The following JAZF1 variants were observed in gnomAD, a reference collection of about 807,000 sequenced individuals.
JAZF1 encodes JAZF zinc finger 1, also known as juxtaposed with another zinc finger protein 1.
A neutral mutation model predicts 26.4 loss-of-function variants in JAZF1; 8 were observed. The observed-to-expected ratio is 0.30, with a 90% CI of 0.18 to 0.55. The LOEUF is 0.55. Among genes scored for constraint, JAZF1 ranks in the 20% least tolerant of loss-of-function variants. JAZF1 has a pLI of 0.94. For missense variants in JAZF1, 199 were observed against 322.0 expected (o/e 0.62, Z 2.92); for synonymous variants, 126 against 122.3 (o/e 1.03, Z -0.20).
intron 1 of JAZF1, among the ~76,000 whole-genome samples, chr7:28,003,367 A>G (rs1782636092): frequency 6.6e-6 from 1 of 152,174 alleles, no homozygotes; most frequent in Non-Finnish European, 1.5e-5. Context: ...AGGAGGAAAA[A>G]ATCATCATGT....
intron 1 of JAZF1, among the ~76,000 whole-genome samples, chr7:28,099,919 T>C (rs555093955): frequency 6.6e-6 from 1 of 152,318 alleles, no homozygotes; most frequent in East Asian, 1.9e-4. Flanking sequence ...GCCTCAACAC[T>C]GGAAACAGCC....
chr7:28,090,593 A>C (rs1784277711), intron 1 of JAZF1, among the ~76,000 whole-genome samples: 1 of 152,214 alleles, frequency 6.6e-6, no homozygotes, highest in Non-Finnish European at 1.5e-5. Context: ...TCCTTTGAGC[A>C]TCACAATATC....
At position 27,840,601 on chromosome 7, in the gene JAZF1, C is replaced by T; in HGVS notation, c.555+97G>A. The T allele has an allele frequency of 2.4e-6, 3 of 1,259,288 alleles. No homozygotes were observed. The Admixed American group carries it at 5.6e-5, about 23-fold the overall frequency. 78.0% of individuals were successfully genotyped at this position (1,259,288 alleles called of 1,614,324 possible). On this transcript the variant is annotated intron_variant, in intron 4 of 4. Coordinates refer to ENST00000283928, the MANE Select transcript of JAZF1 (RefSeq NM_175061.4). This position sits in a 1 kb window ranked among gnomAD's most constrained non-coding sequence, Gnocchi z 5.1. ...GGAGAGGGGAGTGTCTCCCCCCAGC[C>T]CATACGCTCGCTTTAAAATCAAGAA...
chr7:27,833,654 A>G (rs960203830), intron 4 of JAZF1, among the ~76,000 whole-genome samples: 7 of 152,250 alleles, frequency 4.6e-5, no homozygotes, highest in Non-Finnish European at 1.0e-4. Context: ...CAAACATACA[A>G]TGAACTTTAA....
At chr7:28,171,203 A>C (rs976971395) in intron 1 of JAZF1, among the ~76,000 whole-genome samples, 4 of 152,288 alleles carry the variant, frequency 2.6e-5, no homozygotes, top group African/African-American at 9.6e-5. Context: ...AAGGAAAATC[A>C]ATTTCCTTTT....
At chr7:27,902,771 C>G (rs952439650) in intron 2 of JAZF1, among the ~76,000 whole-genome samples, 3 of 152,166 alleles carry the variant, frequency 2.0e-5, no homozygotes, top group Admixed American at 2.0e-4. Context: ...AATCCCAGCA[C>G]TTTGGGAGGC....
In JAZF1 at chr7:28,091,125, C is replaced by CT. The variant is rs541480387; in HGVS notation, c.115+89337dup. ...ACAGGCGTGAGCCACCGCGCCCGGC[C>CT]TTTTTTTTAGTTTTTTAACTTAAAA... On this transcript the variant is annotated intron_variant, in intron 1 of 4. Coordinates refer to ENST00000283928, the MANE Select transcript of JAZF1 (RefSeq NM_175061.4). Among the ~76,000 whole-genome samples, 6 of 151,764 alleles carry CT rather than the reference C, an allele frequency of 4.0e-5. No homozygotes were observed. The East Asian group carries it at 5.8e-4, about 15-fold the overall frequency.
chr7:27,989,014 C>T (rs555596940), intron 2 of JAZF1, among the ~76,000 whole-genome samples: 70 of 150,026 alleles, frequency 4.7e-4, no homozygotes, highest in African/African-American at 1.6e-3. Flanking sequence ...AAGCTGGAGG[C>T]ATCATGCTTC....
intron 2 of JAZF1, among the ~76,000 whole-genome samples, chr7:27,913,797 T>C (rs1195998197): frequency 2.0e-5 from 3 of 152,158 alleles, no homozygotes; most frequent in Non-Finnish European, 2.9e-5. Context: ...TCTTAGTGAG[T>C]TGTTACCTAG....
chr7:27,990,754 A>T (rs1023093105), intron 2 of JAZF1, among the ~76,000 whole-genome samples: 3 of 152,186 alleles, frequency 2.0e-5, no homozygotes, highest in Admixed American at 1.3e-4. Flanking sequence ...TAATTACAGA[A>T]AACAATACTG....
chr7:27,995,519 C>T (rs1175782435), intron 1 of JAZF1, among the ~76,000 whole-genome samples: 3 of 152,138 alleles, frequency 2.0e-5, no homozygotes, highest in African/African-American at 7.2e-5. Context: ...CTAGACTACT[C>T]CTTGCACAGT....
intron 1 of JAZF1, among the ~76,000 whole-genome samples, chr7:28,145,515 T>C (rs1171428028): frequency 3.9e-5 from 6 of 152,234 alleles, no homozygotes; most frequent in South Asian, 4.1e-4. Context: ...TAGTTTCTTG[T>C]AGGCATCCAA....
At chr7:28,066,376 G>C (rs1783882600) in intron 1 of JAZF1, among the ~76,000 whole-genome samples, 2 of 152,044 alleles carry the variant, frequency 1.3e-5, no homozygotes, top group African/African-American at 4.8e-5. Context: ...GGCTGAGGCA[G>C]GGGGATCACA....
chr7:28,136,177 G>A (rs187472727), intron 1 of JAZF1, among the ~76,000 whole-genome samples: 33 of 152,270 alleles, frequency 2.2e-4, no homozygotes, highest in Middle Eastern at 3.4e-3. Flanking sequence ...CCTGCTGAAC[G>A]TTGGGTATTT....
chr7:27,986,115 C>T (rs879296686), intron 2 of JAZF1, among the ~76,000 whole-genome samples: 8 of 152,084 alleles, frequency 5.3e-5, no homozygotes, highest in Non-Finnish European at 7.4e-5. Context: ...CTGGCCAGGG[C>T]AATCAGGCAA....
intron 1 of JAZF1, among the ~76,000 whole-genome samples, chr7:28,032,904 C>CCCA (rs1783216059): frequency 6.6e-6 from 1 of 152,130 alleles, no homozygotes; most frequent in South Asian, 2.1e-4. Context: ...TCTTGGTCCT[C>CCCA]CCACTGCAGC....
At chr7:28,019,165 T>C (rs1782953606) in intron 1 of JAZF1, among the ~76,000 whole-genome samples, 1 of 152,194 alleles carries the variant, frequency 6.6e-6, no homozygotes, top group East Asian at 1.9e-4. Flanking sequence ...TCTGCTATTT[T>C]CCCTACCAAA....
intron 1 of JAZF1, among the ~76,000 whole-genome samples, chr7:28,117,227 A>T (rs368274437): frequency 6.6e-6 from 1 of 152,076 alleles, no homozygotes; most frequent in East Asian, 1.9e-4. Flanking sequence ...CTTTATTTGA[A>T]TTTAGTCAAA....
chr7:28,023,968 C>T (rs1056836526), intron 1 of JAZF1, among the ~76,000 whole-genome samples: 8 of 151,924 alleles, frequency 5.3e-5, no homozygotes, highest in African/African-American at 1.9e-4. Context: ...GGAAGAAGAG[C>T]AGAAAGTCAG....
Sources: allele counts gnomAD v4.1 joint callset (sites outside exome capture counted in the v4.1 genomes callset), GRCh38; gene constraint gnomAD v4.1.1; non-coding constraint Gnocchi (gnomAD v3.1); transcripts MANE v1.5; gene names NCBI Gene and HGNC (gene_info 2026-07-23, HGNC 2026-07-21).